Variants in EEF1AKMT3 observed in about 807,000 individuals in gnomAD.
EEF1AKMT3 encodes eEF1A-KMT3.
Under a neutral mutation model 17.8 loss-of-function variants are expected in EEF1AKMT3, and 17 were observed. The observed-to-expected ratio is 0.96, with a 90% CI of 0.65 to 1.43. The LOEUF is 1.43. Ranked by LOEUF, EEF1AKMT3 falls within the 40% of genes most tolerant of loss-of-function variation. The pLI is 0.00. For missense variants in EEF1AKMT3, 244 were observed against 285.8 expected, an observed-to-expected ratio of 0.85 and a Z score of 1.06; for synonymous variants, 116 against 126.5, an observed-to-expected ratio of 0.92 and a Z score of 0.56.
At chr12:57,774,183 A>G (rs547494667) in intron 2 of EEF1AKMT3, among the ~76,000 whole-genome samples, 1 of 152,252 alleles carries the variant, frequency 6.6e-6, no homozygotes, top group Admixed American at 6.5e-5. Flanking sequence ...GAACTAGGTC[A>G]TATTAAGGGA....
Position 57,773,124 on chromosome 12 carries a change from G to T in EEF1AKMT3, c.285G>T (p.Leu95=). The T allele has an allele frequency of 6.2e-7, 1 of 1,614,144 alleles. No individual in the cohort carries two copies. The highest frequency in any genetic ancestry group is 1.1e-5 in the South Asian group (1 of 91,070). The change falls in exon 2 of 3, where the codon CTG becomes CTT. Residue 95 remains leucine, a synonymous_variant. Coordinates refer to ENST00000300209, the MANE Select transcript of EEF1AKMT3 (RefSeq NM_015433.3). ...GCATCGTGGGGATCTTGGCAGCGCT[G>T]CAGGGTGCGTGAGCTGGCTTTTTAC... The part of the protein sequence containing the change: ...GTGIVGILAA[L]QGGDVTITDL...
Position 57,772,943 on chromosome 12 carries a change from C to G in EEF1AKMT3, c.177+42C>G. On this transcript the variant is annotated intron_variant, in intron 1 of 2. Coordinates refer to ENST00000300209, the MANE Select transcript of EEF1AKMT3 (RefSeq NM_015433.3). The surrounding 1 kb of genome is among the most constrained non-coding windows in gnomAD (Gnocchi z 4.1). ...GCCGGGTGAGGGTCCGTGGGAGGTC[C>G]AGATCCCGGACTCCGCCTCTCCCAT... The G allele has an allele frequency of 6.2e-7, 1 of 1,612,874 alleles. No individual in the cohort carries two copies. The highest frequency in any genetic ancestry group is 8.5e-7 in the Non-Finnish European group (1 of 1,179,062).
Position 57,780,737 on chromosome 12 carries a change from C to A in EEF1AKMT3, c.*91C>A. 2.0e-6 allele frequency: 3 copies of A among 1,514,716 alleles called. No individual in the cohort carries two copies. The highest frequency in any genetic ancestry group is 4.2e-5 in the Admixed American group (2 of 47,562). 93.8% of individuals were successfully genotyped at this position (1,514,716 alleles called of 1,614,324 possible). ...ATTTCCAGAGCCACAAACATGAGGA[C>A]CAAAAAGGATGGATTTCCCTGGCCT... On this transcript the variant is annotated 3_prime_UTR_variant, in exon 3 of 3. Coordinates refer to ENST00000300209, the MANE Select transcript of EEF1AKMT3 (RefSeq NM_015433.3).
intron 2 of EEF1AKMT3, 124 bp from the exon 3 acceptor site, chr12:57,780,131 T>C (rs1213459097): frequency 1.7e-6 from 2 of 1,164,648 alleles, no homozygotes; most frequent in South Asian, 1.5e-5. Flanking sequence ...TAAAAGCCAG[T>C]GTGGGCTCTG....
intron 2 of EEF1AKMT3, among the ~76,000 whole-genome samples, chr12:57,777,139 T>C (rs1174962218): frequency 1.3e-5 from 2 of 152,186 alleles, no homozygotes; most frequent in Non-Finnish European, 2.9e-5. Context: ...TCTTTCTGCC[T>C]ACTCAAAGAC....
intron 2 of EEF1AKMT3, among the ~76,000 whole-genome samples, chr12:57,778,963 G>A (rs1485910570): frequency 2.0e-5 from 3 of 151,894 alleles, no homozygotes; most frequent in South Asian, 2.1e-4. Flanking sequence ...AGGTTCAAGC[G>A]ATTCTCCTGC....
Position 57,772,676 on chromosome 12 carries a change from G to C in EEF1AKMT3, c.-49G>C, listed in dbSNP as rs752348360. 1.3e-6 allele frequency: 2 copies of C among 1,561,486 alleles called. No individual in the cohort carries two copies. Among genetic ancestry groups the C allele is most frequent in the Non-Finnish European group, 1.7e-6 (2 of 1,154,372 alleles). On this transcript the variant is annotated 5_prime_UTR_variant, in exon 1 of 3. Coordinates refer to ENST00000300209, the MANE Select transcript of EEF1AKMT3 (RefSeq NM_015433.3). The surrounding 1 kb of genome is among the most constrained non-coding windows in gnomAD (Gnocchi z 4.1). ...CCAGCCTCTACCCCGCTCCGGATCCGGGATCTGAGCGCCGGCCGCGGTGCC... is the reference window on the plus strand; with the variant it reads ...CCAGCCTCTACCCCGCTCCGGATCCCGGATCTGAGCGCCGGCCGCGGTGCC...
chr12:57,773,182 A>G, intron 2 of EEF1AKMT3, 54 bp downstream of exon 2: 1 of 1,542,258 alleles, frequency 6.5e-7, no homozygotes, highest in Non-Finnish European at 9.0e-7. Context: ...GCGCGGAGAA[A>G]TGGTCACTTC....
intron 2 of EEF1AKMT3, among the ~76,000 whole-genome samples, chr12:57,775,600 G>A (rs970445223): frequency 6.6e-6 from 1 of 152,088 alleles, no homozygotes; most frequent in Non-Finnish European, 1.5e-5. Flanking sequence ...CAGGCTGGTC[G>A]TGAACTCCTG....
chr12:57,775,547 A>G (rs141216474), intron 2 of EEF1AKMT3, among the ~76,000 whole-genome samples: 5 of 152,002 alleles, frequency 3.3e-5, no homozygotes, highest in Non-Finnish European at 7.4e-5. Flanking sequence ...ATGCCTCACT[A>G]ATTTTTGTGT....
chr12:57,773,052 T>C lies in EEF1AKMT3; in HGVS notation c.213T>C (p.Asn71=). The change falls in exon 2 of 3, where the codon AAT becomes AAC. Residue 71 remains asparagine (N), a synonymous_variant. Transcript: ENST00000300209. Reference sequence around the variant, plus strand: ...TGTGCAATTATTTCGAGAGTCAAAATGTGGATTTCCGAGGCAAGAAGGTGA... The same window carrying C: ...TGTGCAATTATTTCGAGAGTCAAAACGTGGATTTCCGAGGCAAGAAGGTGA... ...LSLCNYFESQ[N]VDFRGKKVIE... 2 of 1,614,136 alleles carry C rather than the reference T, an allele frequency of 1.2e-6. No homozygotes were observed. The highest frequency in any genetic ancestry group is 3.3e-5 in the Admixed American group (2 of 60,014).
intron 2 of EEF1AKMT3, among the ~76,000 whole-genome samples, chr12:57,773,883 A>G (rs1329066094): frequency 6.6e-6 from 1 of 152,224 alleles, no homozygotes; most frequent in African/African-American, 2.4e-5. Flanking sequence ...AATATATTTC[A>G]GATTCCTTAG....
chr12:57,773,239 C>T (rs2140406354), intron 2 of EEF1AKMT3, 111 bp downstream of exon 2: 1 of 987,406 alleles, frequency 1.0e-6, no homozygotes, highest in Non-Finnish European at 1.5e-6. Context: ...AGTCTAACCC[C>T]TTCTTTTTAA....
rs569480887 is a variant in EEF1AKMT3 at position 57,773,211 on chromosome 12, G to C, written c.289+83G>C. ...TCACTTCGTGGATCTTTGGGGGAGA[G>C]GGGAGAACTTTGGGCCCAGTCTAAC... On this transcript the variant is annotated intron_variant, in intron 2 of 2. Coordinates refer to ENST00000300209, the MANE Select transcript of EEF1AKMT3 (RefSeq NM_015433.3). The C allele has an allele frequency of 4.6e-5, 62 of 1,345,750 alleles. No homozygotes were observed. The African/African-American group carries it at 7.1e-4, about 15-fold the overall frequency. 83.4% of individuals were successfully genotyped at this position (1,345,750 alleles called of 1,614,324 possible).
intron 2 of EEF1AKMT3, chr12:57,774,870 C>A (rs979892743): frequency 2.4e-5 from 26 of 1,090,608 alleles, no homozygotes; most frequent in African/African-American, 3.2e-5. Flanking sequence ...CTTTGGGAGG[C>A]CGAGGCAGGC....
In EEF1AKMT3 at chr12:57,780,450, T is replaced by C. The variant is rs1955505656; in HGVS notation, c.485T>C (p.Leu162Pro). ...TACCTGGAACCCACCTTCCCTCTGC[T>C]GCTGGGGACCCTCCAACACCTGTGC... is the stretch of plus-strand genomic sequence containing the variant. ...IVYLEPTFPLLLGTLQHLCRP... is the reference protein window; with the variant it reads ...IVYLEPTFPLPLGTLQHLCRP... The change falls in exon 3 of 3, where the codon CTG becomes CCG. Residue 162 changes from leucine to proline, a missense_variant. By Grantham distance (98) the Leu-to-Pro change is moderately conservative (BLOSUM62 -3). Transcript: ENST00000300209. 1.9e-6 allele frequency: 3 copies of C among 1,614,110 alleles called. No individual in the cohort carries two copies. The highest frequency in any genetic ancestry group is 2.5e-6 in the Non-Finnish European group (3 of 1,180,048).
chr12:57,775,378 T>TC (rs1955474314), intron 2 of EEF1AKMT3, among the ~76,000 whole-genome samples: 2 of 145,712 alleles, frequency 1.4e-5, no homozygotes, highest in Admixed American at 6.8e-5. Context: ...TAAATGTTCT[T>TC]TTTTTTTTTT....
chr12:57,772,945 G>C lies in EEF1AKMT3; in HGVS notation c.177+44G>C. On this transcript the variant is annotated intron_variant, in intron 1 of 2. Transcript: ENST00000300209. This position sits in a 1 kb window ranked among gnomAD's most constrained non-coding sequence, Gnocchi z 4.1. Reference sequence around the variant, plus strand: ...CGGGTGAGGGTCCGTGGGAGGTCCAGATCCCGGACTCCGCCTCTCCCATAT... The same window carrying C: ...CGGGTGAGGGTCCGTGGGAGGTCCACATCCCGGACTCCGCCTCTCCCATAT... 6.2e-7 allele frequency: 1 copy of C among 1,613,078 alleles called. No individual in the cohort carries two copies. The highest frequency in any genetic ancestry group is 1.1e-5 in the South Asian group (1 of 91,018).
At position 57,781,945 on chromosome 12, in the gene EEF1AKMT3, T is replaced by A. The variant is rs951627543; in HGVS notation, c.*1299T>A. The stretch of plus-strand genomic sequence containing the variant: ...AAGAACAAGCTCCTCTGCTTGGTAC[T>A]TAGTCTGTGTCCATGTGATCCAAAA... On this transcript the variant is annotated 3_prime_UTR_variant, in exon 3 of 3. Coordinates refer to ENST00000300209, the MANE Select transcript of EEF1AKMT3 (RefSeq NM_015433.3). 2 of 152,236 alleles carry A rather than the reference T, an allele frequency of 1.3e-5. No homozygotes were observed. The highest frequency in any genetic ancestry group is 6.6e-5 in the Admixed American group (1 of 15,260). 9.4% of individuals were successfully genotyped at this position (152,236 alleles called of 1,614,324 possible).
Sources: allele counts gnomAD v4.1 joint callset (sites outside exome capture counted in the v4.1 genomes callset), GRCh38; gene constraint gnomAD v4.1.1; non-coding constraint Gnocchi (gnomAD v3.1); transcripts MANE v1.5; gene names NCBI Gene and HGNC (gene_info 2026-07-23, HGNC 2026-07-21).